GTPBP1: variants seen among roughly 807,000 people sequenced by gnomAD.
GTPBP1 encodes the protein GTP binding protein 1.
A neutral mutation model predicts 62.0 loss-of-function variants in GTPBP1; 23 were observed. The observed-to-expected ratio is 0.37, with a 90% confidence interval of 0.27 to 0.53. GTPBP1 has a LOEUF of 0.53. Ranked by LOEUF, GTPBP1 falls within the 20% of genes least tolerant of loss-of-function variation. The probability of loss-of-function intolerance (pLI) is 0.89; values close to 1 mark genes in which losing one functional copy is unlikely to be tolerated. For synonymous variants in GTPBP1, 344 were observed against 364.4 expected, an observed-to-expected ratio of 0.94 and a Z score of 0.64; for missense variants, 640 against 917.3, an observed-to-expected ratio of 0.70 and a Z score of 3.90.
downstream of GTPBP1, chr22:38,740,450 AG>A (rs1239976618): frequency 2.7e-6 from 4 of 1,469,254 alleles, no homozygotes; most frequent in South Asian, 5.5e-5. The surrounding 1 kb of genome is among the most constrained non-coding windows in gnomAD (Gnocchi z 4.8). Flanking sequence ...CAGAGAGAGA[AG>A]AGTAAGCCTC....
At chr22:38,706,429 T>C in intron 1 of GTPBP1, 1 of 277,892 alleles carries the variant, frequency 3.6e-6, no homozygotes. Context: ...CTCTGCCACG[T>C]GGAACGGGGG....
At chr22:38,724,579 C>G (rs114045278) in intron 6 of GTPBP1, among the ~76,000 whole-genome samples, 168 bp downstream of exon 6, 1 of 152,132 alleles carries the variant, frequency 6.6e-6, no homozygotes, top group Non-Finnish European at 1.5e-5. Flanking sequence ...CCAATCTTAG[C>G]GCAGGGTCTC....
Position 38,722,893 on chromosome 22 carries a change from G to A in GTPBP1, c.958+1028G>A, listed in dbSNP as rs992498886. 33 of 1,280,686 alleles carry A rather than the reference G, an allele frequency of 2.6e-5. No individual in the cohort carries two copies. The African/African-American group carries it at 2.8e-4, about 11-fold the overall frequency. 79.3% of individuals were successfully genotyped at this position (1,280,686 alleles called of 1,614,324 possible). A position where few individuals can be genotyped will look rare whatever the true frequency, so the allele number is the denominator to read the frequency against. On this transcript the variant is annotated intron_variant, in intron 5 of 11. Coordinates refer to ENST00000216044, the MANE Select transcript of GTPBP1 (RefSeq NM_004286.5). ...AAGTGGAGGGTTTCTTCCACGCTTC[G>A]GCCCACTGGGAGGTCATTGACGCTC...
intron 11 of GTPBP1, 106 bp downstream of exon 11, chr22:38,729,768 T>A: frequency 1.3e-6 from 1 of 765,656 alleles, no homozygotes; most frequent in Non-Finnish European, 1.9e-6. Flanking sequence ...GGCTAGAGGG[T>A]CTCCTCCACA....
At chr22:38,724,134 T>C (rs150841139) in intron 5 of GTPBP1, among the ~76,000 whole-genome samples, 163 bp from the exon 6 acceptor site, 2 of 152,200 alleles carry the variant, frequency 1.3e-5, no homozygotes, top group Non-Finnish European at 2.9e-5. Context: ...CCCAAAGTTT[T>C]GATCCTCCTT....
At position 38,731,738 on chromosome 22, in the gene GTPBP1, G is replaced by A. The variant is rs958894804; in HGVS notation, c.*1034G>A. 1.3e-5 allele frequency: 2 copies of A among 152,542 alleles called. No individual in the cohort carries two copies. Among genetic ancestry groups the A allele is most frequent in the African/African-American group, 2.4e-5 (1 of 41,454 alleles). 9.4% of individuals were successfully genotyped at this position (152,542 alleles called of 1,614,324 possible). ...GAGACTAGAACCCCATCTTCCCTGA[G>A]CCAGGCTGAGACTAGAACCCCATCT... On this transcript the variant is annotated 3_prime_UTR_variant, in exon 12 of 12. Transcript: ENST00000216044.
At chr22:38,739,752 C>T (rs746147670), downstream of GTPBP1, 8 of 1,613,732 alleles carry the variant, frequency 5.0e-6, no homozygotes, top group Non-Finnish European at 6.8e-6. The surrounding 1 kb of genome is among the most constrained non-coding windows in gnomAD (Gnocchi z 6.7). Flanking sequence ...CACCTTCTTT[C>T]TGCAGCGTCA....
chr22:38,741,340 G>A (rs1379776764), downstream of GTPBP1, among the ~76,000 whole-genome samples: 1 of 152,130 alleles, frequency 6.6e-6, no homozygotes, highest in African/African-American at 2.4e-5. Flanking sequence ...TCCAACTAAG[G>A]GGTCGGGGGT....
At position 38,727,737 on chromosome 22, in the gene GTPBP1, TGGGACCCTTGTCTGCCCA is replaced by T; in HGVS notation, c.1538-242_1538-225del. 6.6e-6 allele frequency among the ~76,000 whole-genome samples: 1 copy of T among 152,268 alleles called. No homozygotes were observed. ...TGCAGTGTGCTGTAATCCCAGGAAC[TGGGACCCTTGTCTGCCCA>T]GGGCCTGGGGGTGGGGGATGACGGG... On this transcript the variant is annotated intron_variant, in intron 9 of 11. Coordinates refer to ENST00000216044, the MANE Select transcript of GTPBP1 (RefSeq NM_004286.5). The surrounding 1 kb of genome is among the most constrained non-coding windows in gnomAD (Gnocchi z 6.5).
intron 5 of GTPBP1, 141 bp from the exon 6 acceptor site, chr22:38,724,156 A>G: frequency 3.3e-6 from 2 of 605,834 alleles, no homozygotes; most frequent in Non-Finnish European, 6.0e-6. Context: ...TTGCTTCTCC[A>G]GGCATTGTGG....
In GTPBP1 at chr22:38,716,055, A is replaced by G; in HGVS notation, c.453A>G (p.Lys151=). 1.2e-6 allele frequency: 2 copies of G among 1,610,136 alleles called. No homozygotes were observed. Among genetic ancestry groups the G allele is most frequent in the Non-Finnish European group, 1.7e-6 (2 of 1,178,052 alleles). ...GCGTGCGTGATTACCTGGTCCGGAA[A>G]CGAGTAGGAGACAATGACTTCCTGG... ...GGRVRDYLVR[K]RVGDNDFLEV... Residue 151 remains lysine (K), a synonymous_variant, in exon 3 of 12, where the codon AAA becomes AAG. Transcript: ENST00000216044. This position sits in a 1 kb window ranked among gnomAD's most constrained non-coding sequence, Gnocchi z 5.2.
chr22:38,725,966 G>T, intron 6 of GTPBP1, 40 bp from the exon 7 acceptor site: 1 of 1,605,236 alleles, frequency 6.2e-7, no homozygotes, highest in South Asian at 1.1e-5. Flanking sequence ...TCTCCTGAGT[G>T]CCTCTCTCCT....
Position 38,718,084 on chromosome 22 carries a change from G to A in GTPBP1, c.834+1084G>A, listed in dbSNP as rs146017709. Among the ~76,000 whole-genome samples, 264 of 152,296 alleles carry A rather than the reference G, an allele frequency of 1.7e-3. 1 individual carries two copies. The highest frequency in any genetic ancestry group is 3.4e-3 in the Middle Eastern group (1 of 294). On this transcript the variant is annotated intron_variant, in intron 4 of 11. Transcript: ENST00000216044. The stretch of plus-strand genomic sequence containing the variant: ...GAGAGGCAGAGCCGTGTGAACACTC[G>A]TAGGCTCTCTGCCTGAGGCTTTTGG...
downstream of GTPBP1, chr22:38,737,842 G>A (rs754548851): frequency 2.3e-5 from 12 of 524,142 alleles, no homozygotes; most frequent in Admixed American, 1.6e-4. This position sits in a 1 kb window ranked among gnomAD's most constrained non-coding sequence, Gnocchi z 4.1. Flanking sequence ...TAGAATGCCC[G>A]CGCCCTGGCA....
Position 38,727,371 on chromosome 22 carries a change from G to T in GTPBP1, c.1537+23G>T. ...TGGGTAGGTGTCTAAGGCCCTGCCA[G>T]CCCAGGAGGCCGTCGTGTTAGCTCC... On this transcript the variant is annotated intron_variant, in intron 9 of 11. Transcript: ENST00000216044. The surrounding 1 kb of genome is among the most constrained non-coding windows in gnomAD (Gnocchi z 6.5). 1 of 1,515,630 alleles carries T rather than the reference G, an allele frequency of 6.6e-7. No homozygotes were observed. The allele number at this position is 1,515,630 out of a possible 1,614,324, so 93.9% of individuals were successfully genotyped here.
downstream of GTPBP1, chr22:38,735,365 CCCA>C (rs963511801): frequency 9.1e-5 from 35 of 385,798 alleles, no homozygotes; most frequent in Non-Finnish European, 6.6e-5. Context: ...CCTGAACGTC[CCCA>C]CAAGAGCCCA....
chr22:38,741,126 G>T, downstream of GTPBP1: 1 of 1,503,260 alleles, frequency 6.7e-7, no homozygotes, highest in Non-Finnish European at 9.1e-7. Flanking sequence ...TCTGCTGTCT[G>T]TTAGCGTCTT....
downstream of GTPBP1, chr22:38,740,014 G>A (rs2092840957): frequency 1.5e-5 from 23 of 1,520,484 alleles, no homozygotes; most frequent in Non-Finnish European, 2.1e-5. This position sits in a 1 kb window ranked among gnomAD's most constrained non-coding sequence, Gnocchi z 4.8. Context: ...GACAGGGCTA[G>A]TGCTTAGCTG....
Position 38,709,621 on chromosome 22 carries a change from T to C in GTPBP1, c.304+665T>C, listed in dbSNP as rs550255773. 4.6e-5 allele frequency among the ~76,000 whole-genome samples: 7 copies of C among 152,304 alleles called. No homozygotes were observed. The South Asian group carries it at 1.4e-3, about 32-fold the overall frequency. On this transcript the variant is annotated intron_variant, in intron 2 of 11. Transcript: ENST00000216044. ...TTCCTGGGCAGCTGGAGGTCTTCCCTTCCAGGCCCTGTTTACAGATCCCAT... is the reference window on the plus strand; with the variant it reads ...TTCCTGGGCAGCTGGAGGTCTTCCCCTCCAGGCCCTGTTTACAGATCCCAT...
Sources: allele counts gnomAD v4.1 joint callset (sites outside exome capture counted in the v4.1 genomes callset), GRCh38; gene constraint gnomAD v4.1.1; non-coding constraint Gnocchi (gnomAD v3.1); transcripts MANE v1.5; gene names NCBI Gene and HGNC (gene_info 2026-07-23, HGNC 2026-07-21).